Variants in RAPGEF1 observed in about 807,000 individuals in gnomAD.
RAPGEF1 encodes the protein Rap guanine nucleotide exchange factor 1.
A neutral mutation model predicts 143.3 loss-of-function variants in RAPGEF1; 33 were observed. That is an observed-to-expected ratio of 0.23 (90% CI 0.17 to 0.31). The LOEUF is 0.31. RAPGEF1 is among the 10% of genes least tolerant of loss of function. The probability of loss-of-function intolerance (pLI) is 1.00; values close to 1 mark genes in which losing one functional copy is unlikely to be tolerated. For missense variants in RAPGEF1, 1,199 were observed against 1,645.4 expected (o/e 0.73, Z 4.69); for synonymous variants, 629 against 676.5 (o/e 0.93, Z 1.09).
At chr9:131,635,911 T>C (rs1966250414) in intron 5 of RAPGEF1, among the ~76,000 whole-genome samples, 1 of 152,220 alleles carries the variant, frequency 6.6e-6, no homozygotes, top group African/African-American at 2.4e-5. Context: ...ACCCCATAAA[T>C]GTTAGCTGTT....
At position 131,667,422 on chromosome 9, in the gene RAPGEF1, G is replaced by C. The variant is rs989818336; in HGVS notation, c.62-16473C>G. Among the ~76,000 whole-genome samples the C allele has an allele frequency of 2.6e-5, 4 of 152,222 alleles. No homozygotes were observed. The East Asian group carries it at 7.7e-4, about 29-fold the overall frequency. On this transcript the variant is annotated intron_variant, in intron 1 of 26. Transcript: ENST00000683357. The surrounding 1 kb of genome is among the most constrained non-coding windows in gnomAD (Gnocchi z 4.6). ...CCCTCCCACACCCTCTTCCTACACG[G>C]AGGTACTGCCCATTTCCTCCTCCAC...
Position 131,709,431 on chromosome 9 carries a change from T to C in RAPGEF1, c.61+30339A>G, listed in dbSNP as rs533320725. ...CTAAACTCTCAGCCAAACCAAGCCA[T>C]CATATTGAGAGAGGAATCATCTTAT... On this transcript the variant is annotated intron_variant, in intron 1 of 26. Transcript: ENST00000683357. Among the ~76,000 whole-genome samples the C allele has an allele frequency of 1.4e-4, 22 of 152,254 alleles. No individual in the cohort carries two copies. The East Asian group carries it at 4.2e-3, about 29-fold the overall frequency.
Position 131,638,671 on chromosome 9 carries a change from C to T in RAPGEF1, c.615G>A (p.Val205=). 6.2e-7 allele frequency: 1 copy of T among 1,614,096 alleles called. No homozygotes were observed. The highest frequency in any genetic ancestry group is 1.3e-5 in the African/African-American group (1 of 75,074). The part of the protein sequence containing the change: ...NSEDKEMVTT[V]KGVIKAVLDG... ...CCAGCACAGCCTTGATGACCCCCTT[C>T]ACAGTCGTCACCATCTCCTTGTCTT... is the stretch of plus-strand genomic sequence containing the variant. The change falls in exon 5 of 27, where the codon GTG becomes GTA. Residue 205 remains valine (V), a synonymous_variant. Coordinates refer to ENST00000683357, the MANE Select transcript of RAPGEF1 (RefSeq NM_001377935.1).
intron 12 of RAPGEF1, among the ~76,000 whole-genome samples, chr9:131,608,037 T>TCTCC (rs1209013935): frequency 6.6e-6 from 1 of 152,160 alleles, no homozygotes; most frequent in East Asian, 1.9e-4. Flanking sequence ...GACTGCAAGG[T>TCTCC]CTCCAGTTGC....
intron 12 of RAPGEF1, among the ~76,000 whole-genome samples, chr9:131,610,729 C>T (rs778944328): frequency 6.6e-6 from 1 of 152,198 alleles, no homozygotes; most frequent in Non-Finnish European, 1.5e-5. Context: ...CACATATGTC[C>T]TTCAACTAGG....
chr9:131,689,718 A>C (rs1833637783), intron 1 of RAPGEF1, among the ~76,000 whole-genome samples: 1 of 152,000 alleles, frequency 6.6e-6, no homozygotes, highest in South Asian at 2.1e-4. Flanking sequence ...TTTGTATTTT[A>C]GTAGAGACGG....
intron 1 of RAPGEF1, among the ~76,000 whole-genome samples, chr9:131,680,533 A>T (rs1832820362): frequency 6.6e-6 from 1 of 152,238 alleles, no homozygotes; most frequent in Admixed American, 6.5e-5. Flanking sequence ...TGGCCCACCC[A>T]GGGCAGAAAA....
At chr9:131,733,835 T>G (rs2131351652) in intron 1 of RAPGEF1, among the ~76,000 whole-genome samples, 1 of 152,274 alleles carries the variant, frequency 6.6e-6, no homozygotes, top group East Asian at 1.9e-4. Flanking sequence ...GGAGACATTT[T>G]TCTGCAAGCT....
At position 131,589,903 on chromosome 9, in the gene RAPGEF1, C is replaced by T. The variant is rs1953904089; in HGVS notation, c.2850G>A (p.Arg950=). ...VSKNTFFVLV[R]VVDELCLVEL... ...GCACTCACCAGAGCTCATCCACCACCCGTACCAGCACGAAGAACGTGTTCT... is the reference window on the plus strand; with the variant it reads ...GCACTCACCAGAGCTCATCCACCACTCGTACCAGCACGAAGAACGTGTTCT... Residue 950 remains arginine, a synonymous_variant, in exon 19 of 27, where the codon CGG becomes CGA. Coordinates refer to ENST00000683357, the MANE Select transcript of RAPGEF1 (RefSeq NM_001377935.1). 3 of 1,613,718 alleles carry T rather than the reference C, an allele frequency of 1.9e-6. No homozygotes were observed. Among genetic ancestry groups the T allele is most frequent in the African/African-American group, 2.7e-5 (2 of 74,900 alleles).
intron 12 of RAPGEF1, among the ~76,000 whole-genome samples, chr9:131,616,149 T>C (rs538553867): frequency 1.2e-4 from 19 of 152,134 alleles, no homozygotes; most frequent in African/African-American, 4.1e-4. Context: ...GCGGCTGTAA[T>C]CCCAGCTACT....
intron 1 of RAPGEF1, among the ~76,000 whole-genome samples, chr9:131,714,913 G>C (rs1006561877): frequency 1.2e-4 from 19 of 152,010 alleles, no homozygotes; most frequent in African/African-American, 3.6e-4. Context: ...CATCTTGCTT[G>C]GTTGCCAGGC....
At chr9:131,658,477 A>G (rs910794720) in intron 1 of RAPGEF1, among the ~76,000 whole-genome samples, 1 of 152,228 alleles carries the variant, frequency 6.6e-6, no homozygotes, top group Non-Finnish European at 1.5e-5. Context: ...ATTTACCCCA[A>G]GGTCAGAGAC....
intron 10 of RAPGEF1, 105 bp from the exon 11 acceptor site, chr9:131,622,103 A>C: frequency 3.6e-6 from 4 of 1,120,838 alleles, no homozygotes; most frequent in Non-Finnish European, 3.9e-6. Flanking sequence ...CACTGAAAGC[A>C]CCTCAGAGAG....
rs898790611 is a variant in RAPGEF1, at chr9:131,675,394, G to A, written c.62-24445C>T. On this transcript the variant is annotated intron_variant, in intron 1 of 26. Transcript: ENST00000683357. The surrounding 1 kb of genome is among the most constrained non-coding windows in gnomAD (Gnocchi z 4.6). ...AGCCCGGCAGCTTCCTGCGGGTGCC[G>A]GGACGTGCCGTCCACAGGGTTCACC... 6.6e-5 allele frequency among the ~76,000 whole-genome samples: 10 copies of A among 152,194 alleles called. No homozygotes were observed. The highest frequency in any genetic ancestry group is 1.3e-4 in the Admixed American group (2 of 15,290).
intron 1 of RAPGEF1, among the ~76,000 whole-genome samples, chr9:131,730,418 A>G (rs1589121899): frequency 6.6e-6 from 1 of 150,732 alleles, no homozygotes; most frequent in African/African-American, 2.4e-5. Context: ...GGTGGCTCAC[A>G]CCTGTAATCC....
chr9:131,580,531 T>G, intron 25 of RAPGEF1, 140 bp from the exon 26 acceptor site: 1 of 1,066,638 alleles, frequency 9.4e-7, no homozygotes. Flanking sequence ...CTGAGGTGTC[T>G]GTTTCCCAGA....
At chr9:131,642,543 G>T (rs191715012) in intron 4 of RAPGEF1, among the ~76,000 whole-genome samples, 1 of 152,174 alleles carries the variant, frequency 6.6e-6, no homozygotes, top group Non-Finnish European at 1.5e-5. Flanking sequence ...TCCTGAACAC[G>T]TGCCTGCTTG....
intron 20 of RAPGEF1, 124 bp downstream of exon 20, chr9:131,588,677 G>T: frequency 9.8e-7 from 1 of 1,015,604 alleles, no homozygotes; most frequent in East Asian, 2.7e-5. Context: ...CTGTTCCTGA[G>T]GCACCTCATC....
Position 131,588,812 on chromosome 9 carries a change from C to A in RAPGEF1, c.3042G>T (p.Gly1014=), listed in dbSNP as rs779326667. Residue 1014 remains glycine, a synonymous_variant, in exon 20 of 27, where the codon GGG becomes GGT. Transcript: ENST00000683357. ...GGTGGGCTTCTCACCTGGCTGCTAC[C>A]CCCCGGGCTGCCAGGGGCTGGCTGG... ...ATSSQPLAAR[G]VAARPGTLHD... 3 of 1,612,414 alleles carry A rather than the reference C, an allele frequency of 1.9e-6. No individual in the cohort carries two copies. The highest frequency in any genetic ancestry group is 2.5e-6 in the Non-Finnish European group (3 of 1,179,230).
Sources: gnomAD v4.1 joint callset for allele counts (sites outside exome capture counted in the v4.1 genomes callset) on GRCh38, gnomAD v4.1.1 for gene constraint, Gnocchi (gnomAD v3.1) non-coding constraint, MANE v1.5 for transcripts, NCBI Gene and HGNC (gene_info 2026-07-23, HGNC 2026-07-21) for gene names.